LRRC4C: variants seen among roughly 807,000 people sequenced by gnomAD.
LRRC4C encodes leucine rich repeat containing 4C.
LRRC4C carries 5 observed loss-of-function variants against 33.6 expected under a neutral mutation model. The observed-to-expected ratio is 0.15, with a 90% confidence interval of 0.08 to 0.31. The LOEUF is 0.31. Among genes scored for constraint, LRRC4C ranks in the 10% least tolerant of loss-of-function variants. The pLI is 1.00. For synonymous variants in LRRC4C, 329 were observed against 302.0 expected (o/e 1.09, Z -0.93); for missense variants, 560 against 796.7 (o/e 0.70, Z 3.58).
At chr11:40,882,648 C>A (rs977056101) in intron 2 of LRRC4C, among the ~76,000 whole-genome samples, 2 of 152,032 alleles carry the variant, frequency 1.3e-5, no homozygotes, top group African/African-American at 4.8e-5. Context: ...CAATGAAGTA[C>A]ATCCTGTTAC....
intron 2 of LRRC4C, among the ~76,000 whole-genome samples, chr11:40,717,210 A>G (rs1055124230): frequency 6.6e-6 from 1 of 151,824 alleles, no homozygotes; most frequent in African/African-American, 2.4e-5. Flanking sequence ...CTAATCATAA[A>G]TGAACAGGAC....
At chr11:40,439,666 C>G (rs920549673) in intron 3 of LRRC4C, among the ~76,000 whole-genome samples, 4 of 151,684 alleles carry the variant, frequency 2.6e-5, no homozygotes, top group African/African-American at 9.7e-5. Flanking sequence ...CTTGGCCAGG[C>G]TGGTCTTGAA....
At chr11:41,021,007 A>C (rs1242258501) in intron 1 of LRRC4C, among the ~76,000 whole-genome samples, 1 of 152,184 alleles carries the variant, frequency 6.6e-6, no homozygotes, top group Non-Finnish European at 1.5e-5. Context: ...GCTGATTTGC[A>C]TCACTTGCTC....
At chr11:40,273,457 CA>C (rs1275871103) in intron 4 of LRRC4C, among the ~76,000 whole-genome samples, 2 of 152,076 alleles carry the variant, frequency 1.3e-5, no homozygotes, top group African/African-American at 2.4e-5. Context: ...ACACAAAATA[CA>C]GAAGGTATAG....
intron 1 of LRRC4C, among the ~76,000 whole-genome samples, chr11:41,426,868 T>C (rs1486469447): frequency 6.6e-6 from 1 of 152,178 alleles, no homozygotes; most frequent in Non-Finnish European, 1.5e-5. Context: ...ACATGGTCTC[T>C]AATCATTGAA....
chr11:41,023,221 C>G (rs1856107346), intron 1 of LRRC4C, among the ~76,000 whole-genome samples: 1 of 151,652 alleles, frequency 6.6e-6, no homozygotes, highest in African/African-American at 2.4e-5. Context: ...ATATATAAAT[C>G]ATATTAACAA....
At chr11:40,546,930 T>A (rs927137384) in intron 3 of LRRC4C, among the ~76,000 whole-genome samples, 12 of 152,128 alleles carry the variant, frequency 7.9e-5, no homozygotes, top group Admixed American at 2.0e-4. Flanking sequence ...ATGCAGCCTG[T>A]GCCAGAAAAT....
At chr11:41,145,640 A>C (rs915457038) in intron 1 of LRRC4C, among the ~76,000 whole-genome samples, 1 of 152,148 alleles carries the variant, frequency 6.6e-6, no homozygotes, top group African/African-American at 2.4e-5. Context: ...CCTCCCATAT[A>C]GTAATTATTC....
intron 3 of LRRC4C, among the ~76,000 whole-genome samples, chr11:40,358,040 A>C (rs568583387): frequency 6.6e-6 from 1 of 152,100 alleles, no homozygotes; most frequent in African/African-American, 2.4e-5. Flanking sequence ...AAAATTAGCC[A>C]GGCATAGTGG....
chr11:40,920,552 T>G (rs1189409963), intron 2 of LRRC4C, among the ~76,000 whole-genome samples: 1 of 152,170 alleles, frequency 6.6e-6, no homozygotes, highest in East Asian at 1.9e-4. Flanking sequence ...TTTTTGTAGC[T>G]AGGAAAGCAT....
intron 5 of LRRC4C, among the ~76,000 whole-genome samples, chr11:40,210,157 A>T (rs935428155): frequency 2.0e-5 from 3 of 151,692 alleles, no homozygotes; most frequent in Non-Finnish European, 4.4e-5. Flanking sequence ...TAAAAAAAAA[A>T]CTCTCAAGGC....
intron 4 of LRRC4C, among the ~76,000 whole-genome samples, chr11:40,256,465 A>G (rs1480779082): frequency 6.6e-6 from 1 of 152,092 alleles, no homozygotes; most frequent in Non-Finnish European, 1.5e-5. Flanking sequence ...AATGGCTCAA[A>G]TCTAGGACTC....
intron 3 of LRRC4C, among the ~76,000 whole-genome samples, chr11:40,452,012 A>C (rs1004093918): frequency 6.6e-6 from 1 of 152,142 alleles, no homozygotes. Flanking sequence ...CTCACCCAGG[A>C]AGTGCAAGGG....
In LRRC4C at chr11:41,150,787, TAAATA is replaced by T. The variant is rs145554538; in HGVS notation, c.-495-217069_-495-217065del. ...CTCCATCTCAAAATAAATAAATAAA[TAAATA>T]AAATAAAATAAAATAAAATAAAATA... On this transcript the variant is annotated intron_variant, in intron 1 of 6. Transcript: ENST00000528697. Among the ~76,000 whole-genome samples the T allele has an allele frequency of 1.5e-3, 225 of 148,654 alleles. 2 individuals are homozygous for T. The highest frequency in any genetic ancestry group is 0.012 in the East Asian group (62 of 5,068).
chr11:40,756,722 A>G (rs1948967217), intron 2 of LRRC4C, among the ~76,000 whole-genome samples: 1 of 152,090 alleles, frequency 6.6e-6, no homozygotes, highest in Non-Finnish European at 1.5e-5. Context: ...AATGTGAAGC[A>G]TCCTAAGCAA....
chr11:41,311,020 T>G (rs1452524958), intron 1 of LRRC4C, among the ~76,000 whole-genome samples: 2 of 152,214 alleles, frequency 1.3e-5, no homozygotes, highest in Admixed American at 6.5e-5. Flanking sequence ...CTTCGCTTAG[T>G]GCCTAGGCAT....
At chr11:40,746,178 C>T (rs983158477) in intron 2 of LRRC4C, among the ~76,000 whole-genome samples, 5 of 152,100 alleles carry the variant, frequency 3.3e-5, no homozygotes, top group African/African-American at 1.2e-4. Context: ...ATGTTTCCAC[C>T]ATGGACTCAT....
intron 3 of LRRC4C, among the ~76,000 whole-genome samples, chr11:40,577,833 T>A (rs954485648): frequency 2.1e-5 from 1 of 48,488 alleles, no homozygotes; most frequent in Non-Finnish European, 4.3e-5. Context: ...TTCTTTTTTC[T>A]TTTTTTTTTT....
chr11:40,134,308 A>C (rs1381735691), intron 6 of LRRC4C, among the ~76,000 whole-genome samples: 1 of 152,204 alleles, frequency 6.6e-6, no homozygotes, highest in Non-Finnish European at 1.5e-5. Context: ...ATATGAAAGT[A>C]AACATGACAT....
Sources: gnomAD v4.1 joint callset for allele counts (sites outside exome capture counted in the v4.1 genomes callset) on GRCh38, gnomAD v4.1.1 for gene constraint, MANE v1.5 for transcripts, NCBI Gene and HGNC (gene_info 2026-07-23, HGNC 2026-07-21) for gene names.